The following RXRA variants were observed in gnomAD, a reference collection of about 807,000 sequenced individuals.
The protein encoded by RXRA is retinoic acid receptor RXR-alpha.
RXRA carries 5 observed loss-of-function variants against 44.5 expected under a neutral mutation model. The ratio of observed to expected loss-of-function variants is 0.11; its 90% CI spans 0.06 to 0.24. The LOEUF (loss-of-function observed/expected upper bound fraction) is 0.24. Ranked by LOEUF, RXRA falls within the 10% of genes least tolerant of loss-of-function variation. RXRA has a pLI of 1.00. For missense variants in RXRA, 412 were observed against 646.5 expected, an observed-to-expected ratio of 0.64 and a Z score of 3.93; for synonymous variants, 291 against 271.4, an observed-to-expected ratio of 1.07 and a Z score of -0.71.
rs770106024 is a variant in RXRA at position 134,437,898 on chromosome 9, C to T, written c.*1284C>T. ...CACCCAGAGCCTTACTTGGGAGCCTCACTGAACGCCTGCTCTGGTTGAAGG... is the reference window on the plus strand; with the variant it reads ...CACCCAGAGCCTTACTTGGGAGCCTTACTGAACGCCTGCTCTGGTTGAAGG... On this transcript the variant is annotated 3_prime_UTR_variant, in exon 10 of 10. Coordinates refer to ENST00000481739, the MANE Select transcript of RXRA (RefSeq NM_002957.6). The T allele has an allele frequency of 3.3e-5, 5 of 152,030 alleles. No individual in the cohort carries two copies. The highest frequency in any genetic ancestry group is 7.3e-5 in the Non-Finnish European group (5 of 68,028). 9.4% of individuals were successfully genotyped at this position (152,030 alleles called of 1,614,324 possible). A position where few individuals can be genotyped will look rare whatever the true frequency, so the allele number is the denominator to read the frequency against.
intron 6 of RXRA, 84 bp downstream of exon 6, chr9:134,421,889 G>A (rs753671544): frequency 1.1e-5 from 16 of 1,469,368 alleles, no homozygotes; most frequent in South Asian, 5.2e-5. Context: ...GGGATACTCC[G>A]CACTCCCGGG....
At chr9:134,335,605 G>A (rs1178008475) in intron 1 of RXRA, among the ~76,000 whole-genome samples, 2 of 152,160 alleles carry the variant, frequency 1.3e-5, no homozygotes, top group Non-Finnish European at 2.9e-5. Context: ...GTGAGCATGA[G>A]GCTATGGTCA....
chr9:134,418,451 A>G (rs1229658162), intron 5 of RXRA, among the ~76,000 whole-genome samples: 1 of 152,058 alleles, frequency 6.6e-6, no homozygotes, highest in African/African-American at 2.4e-5. Context: ...CAGGCCGACC[A>G]TGAGGTTGCC....
chr9:134,382,924 G>T (rs974514295), intron 1 of RXRA, among the ~76,000 whole-genome samples: 1 of 152,326 alleles, frequency 6.6e-6, no homozygotes, highest in African/African-American at 2.4e-5. Flanking sequence ...CCGAATGCAG[G>T]CGTAGCTTCG....
Position 134,381,814 on chromosome 9 carries a change from G to GGC in RXRA, c.29-19815_29-19814dup, listed in dbSNP as rs570364112. Among the ~76,000 whole-genome samples the GGC allele has an allele frequency of 6.0e-3, 907 of 152,260 alleles. 6 individuals are homozygous for GGC. Among genetic ancestry groups the GGC allele is most frequent in the South Asian group, 0.013 (61 of 4,826 alleles). ...CGACCTCCCCGGGGTGCCCAGCAGG[G>GGC]GCGCACTGCACCTTAGGTGCTCCGT... is the stretch of plus-strand genomic sequence containing the variant. On this transcript the variant is annotated intron_variant, in intron 1 of 9. Coordinates refer to ENST00000481739, the MANE Select transcript of RXRA (RefSeq NM_002957.6).
intron 6 of RXRA, chr9:134,424,989 G>T: frequency 1.0e-6 from 1 of 985,474 alleles, no homozygotes; most frequent in Non-Finnish European, 1.2e-6. Flanking sequence ...GGTGGGGGAG[G>T]TCACTTCCGC....
At chr9:134,419,781 C>T (rs1361114861) in intron 5 of RXRA, among the ~76,000 whole-genome samples, 1 of 152,230 alleles carries the variant, frequency 6.6e-6, no homozygotes, top group Non-Finnish European at 1.5e-5. Flanking sequence ...GGATCCTGCA[C>T]TATCCCTCCC....
At chr9:134,425,685 C>T (rs1831422952) in intron 6 of RXRA, 4 of 985,152 alleles carry the variant, frequency 4.1e-6, no homozygotes, top group Middle Eastern at 5.2e-4. Context: ...ACTTTACTCC[C>T]CTGGTCTTGT....
chr9:134,426,209 G>A lies in RXRA; in HGVS notation c.911-2899G>A. ...GACCTGGTATCCTCTGCATCACTGA[G>A]GTCCTCCTTCTGAAAGGCCAGCGCA... On this transcript the variant is annotated intron_variant, in intron 6 of 9. Coordinates refer to ENST00000481739, the MANE Select transcript of RXRA (RefSeq NM_002957.6). This position sits in a 1 kb window ranked among gnomAD's most constrained non-coding sequence, Gnocchi z 4.6. The A allele has an allele frequency of 3.0e-6, 3 of 985,418 alleles. No homozygotes were observed. The highest frequency in any genetic ancestry group is 3.6e-6 in the Non-Finnish European group (3 of 829,918). The allele number at this position is 985,418 out of a possible 1,614,324, so 61.0% of individuals were successfully genotyped here. A position where few individuals can be genotyped will look rare whatever the true frequency, so the allele number is the denominator to read the frequency against.
intron 1 of RXRA, among the ~76,000 whole-genome samples, chr9:134,367,039 A>G (rs1458793474): frequency 2.0e-5 from 3 of 152,136 alleles, no homozygotes; most frequent in African/African-American, 4.8e-5. Flanking sequence ...TGGTTGAGAT[A>G]CGGGTCACCT....
At chr9:134,384,388 G>T (rs777484438) in intron 1 of RXRA, among the ~76,000 whole-genome samples, 2 of 152,246 alleles carry the variant, frequency 1.3e-5, no homozygotes, top group African/African-American at 4.8e-5. Flanking sequence ...AGAGGAAAGC[G>T]AACCGTGCTG....
Position 134,427,339 on chromosome 9 carries a change from C to T in RXRA, c.911-1769C>T, listed in dbSNP as rs557336934. ...GGACCCCACTCTTCTTACTCCCCATCGCAACGGGCTGCCTGCTGCCACCTG... is the reference window on the plus strand; with the variant it reads ...GGACCCCACTCTTCTTACTCCCCATTGCAACGGGCTGCCTGCTGCCACCTG... On this transcript the variant is annotated intron_variant, in intron 6 of 9. Coordinates refer to ENST00000481739, the MANE Select transcript of RXRA (RefSeq NM_002957.6). Among the ~76,000 whole-genome samples the T allele has an allele frequency of 3.3e-5, 5 of 152,286 alleles. No homozygotes were observed. In the East Asian group the frequency reaches 5.8e-4, roughly 18 times the overall value.
intron 1 of RXRA, among the ~76,000 whole-genome samples, chr9:134,384,573 C>T (rs949054772): frequency 2.0e-5 from 3 of 152,054 alleles, no homozygotes; most frequent in Non-Finnish European, 2.9e-5. Flanking sequence ...GCCCCTCAGC[C>T]GGTGGAGCTG....
chr9:134,410,301 G>T (rs544245372), intron 4 of RXRA, among the ~76,000 whole-genome samples: 3 of 152,206 alleles, frequency 2.0e-5, no homozygotes, highest in Non-Finnish European at 4.4e-5. Context: ...ATGGGGATTC[G>T]TGTTTCATGG....
chr9:134,406,712 C>T (rs1008615224), intron 2 of RXRA, among the ~76,000 whole-genome samples: 2 of 152,226 alleles, frequency 1.3e-5, no homozygotes, highest in African/African-American at 4.8e-5. Context: ...TTCACTTTCG[C>T]CTTCTGCAGC....
Position 134,436,548 on chromosome 9 carries a change from C to T in RXRA, c.1323C>T (p.Leu441=), listed in dbSNP as rs1831624616. The change falls in exon 10 of 10, where the codon CTC becomes CTT. Residue 441 remains leucine (L), a synonymous_variant. Coordinates refer to ENST00000481739, the MANE Select transcript of RXRA (RefSeq NM_002957.6). The stretch of plus-strand genomic sequence containing the variant: ...TGGAACATCTCTTCTTCTTCAAGCT[C>T]ATCGGGGACACACCCATTGACACCT... The part of the protein sequence containing the change: ...KCLEHLFFFK[L]IGDTPIDTFL... 1 of 1,614,202 alleles carries T rather than the reference C, an allele frequency of 6.2e-7. No homozygotes were observed. Among genetic ancestry groups the T allele is most frequent in the South Asian group, 1.1e-5 (1 of 91,092 alleles).
chr9:134,352,396 G>A (rs1830232350), intron 1 of RXRA, among the ~76,000 whole-genome samples: 1 of 152,064 alleles, frequency 6.6e-6, no homozygotes, highest in Non-Finnish European at 1.5e-5. Flanking sequence ...AGCCGGAGGG[G>A]CCACAATCCT....
In RXRA at chr9:134,378,530, C is replaced by G. The variant is rs144443630; in HGVS notation, c.29-23102C>G. 4.0e-3 allele frequency among the ~76,000 whole-genome samples: 616 copies of G among 152,320 alleles called. 7 individuals are homozygous for G. Among genetic ancestry groups the G allele is most frequent in the African/African-American group, 0.014 (591 of 41,572 alleles). ...GGTTTATTTGCTTAGAGGCAGGGTCCTGGGTGCCGAGGGAATAGGCTGTGG... is the reference window on the plus strand; with the variant it reads ...GGTTTATTTGCTTAGAGGCAGGGTCGTGGGTGCCGAGGGAATAGGCTGTGG... On this transcript the variant is annotated intron_variant, in intron 1 of 9. Transcript: ENST00000481739.
chr9:134,420,918 G>C (rs1459638632), intron 5 of RXRA, among the ~76,000 whole-genome samples: 1 of 152,302 alleles, frequency 6.6e-6, no homozygotes, highest in East Asian at 1.9e-4. Context: ...TGCTCTCTCT[G>C]TGCCTGGGGC....
Sources: gnomAD v4.1 joint callset for allele counts (sites outside exome capture counted in the v4.1 genomes callset) on GRCh38, gnomAD v4.1.1 for gene constraint, Gnocchi (gnomAD v3.1) non-coding constraint, MANE v1.5 for transcripts, NCBI Gene and HGNC (gene_info 2026-07-23, HGNC 2026-07-21) for gene names.